GALNT13: variants seen among roughly 807,000 people sequenced by gnomAD.
GALNT13 encodes the protein UDP-GalNAc:polypeptide N-acetylgalactosaminyltransferase 13.
GALNT13 carries 28 observed loss-of-function variants against 64.2 expected under a neutral mutation model. The ratio of observed to expected loss-of-function variants is 0.44; its 90% confidence interval spans 0.32 to 0.60. The LOEUF is 0.60. GALNT13 is among the 20% of genes least tolerant of loss of function. GALNT13 has a pLI of 0.05. For synonymous variants in GALNT13, 214 were observed against 224.6 expected (o/e 0.95, Z 0.42); for missense variants, 577 against 669.8 (o/e 0.86, Z 1.53).
chr2:153,948,275 G>A (rs1691917900), intron 3 of GALNT13, among the ~76,000 whole-genome samples: 1 of 151,128 alleles, frequency 6.6e-6, no homozygotes, highest in South Asian at 2.1e-4. Context: ...CTGATTATTA[G>A]CTAATTGCAA....
At chr2:153,743,482 C>A in the GALNT13 span, among the ~76,000 whole-genome samples, 1 of 150,942 alleles carries the variant, frequency 6.6e-6, no homozygotes, top group Non-Finnish European at 1.5e-5. Context: ...TTTTTTTGAA[C>A]CTACTTTATT....
chr2:153,301,685 A>G, the GALNT13 span, among the ~76,000 whole-genome samples: 1 of 152,138 alleles, frequency 6.6e-6, no homozygotes. Context: ...TTGTACCAAG[A>G]TCTCTTCACC....
chr2:153,145,255 C>T, the GALNT13 span, among the ~76,000 whole-genome samples: 28 of 151,620 alleles, frequency 1.8e-4, 1 homozygote, highest in East Asian at 7.8e-4. Context: ...TATATTTGGT[C>T]GTTAGAACAA....
chr2:154,012,695 ATGTCAG>A (rs1393444428), intron 3 of GALNT13, among the ~76,000 whole-genome samples: 1 of 152,052 alleles, frequency 6.6e-6, no homozygotes, highest in East Asian at 1.9e-4. Context: ...TCTTTCTGCC[ATGTCAG>A]TGTGTTATAG....
chr2:154,280,972 A>T (rs1370369736), intron 8 of GALNT13, among the ~76,000 whole-genome samples: 1 of 152,204 alleles, frequency 6.6e-6, no homozygotes, highest in Non-Finnish European at 1.5e-5. Context: ...TTAATTATAC[A>T]ACGAGGAAAA....
chr2:153,248,584 A>C, the GALNT13 span, among the ~76,000 whole-genome samples: 2 of 151,740 alleles, frequency 1.3e-5, no homozygotes, highest in African/African-American at 2.4e-5. Context: ...GAGGCTGAGG[A>C]GGGCAGATCA....
chr2:153,405,436 T>C, the GALNT13 span, among the ~76,000 whole-genome samples: 465 of 152,300 alleles, frequency 3.1e-3, no homozygotes, highest in Admixed American at 8.2e-3. Flanking sequence ...AGGTAACCTA[T>C]AACACTTTGG....
intron 9 of GALNT13, among the ~76,000 whole-genome samples, chr2:154,304,500 G>C (rs960584268): frequency 1.3e-5 from 2 of 152,164 alleles, no homozygotes; most frequent in South Asian, 4.1e-4. Context: ...ATGAGTAATT[G>C]AGAATAATTG....
the GALNT13 span, among the ~76,000 whole-genome samples, chr2:153,452,806 A>C: frequency 6.6e-6 from 1 of 152,150 alleles, no homozygotes; most frequent in Non-Finnish European, 1.5e-5. Context: ...AAAAAGACCC[A>C]GAATAAGCAA....
intron 9 of GALNT13, among the ~76,000 whole-genome samples, chr2:154,327,418 T>C (rs928824094): frequency 3.3e-5 from 5 of 152,118 alleles, no homozygotes; most frequent in East Asian, 1.9e-4. Flanking sequence ...TTCTGACTTA[T>C]TGTTTTTAAG....
At chr2:154,058,877 G>A (rs1329502565) in intron 3 of GALNT13, among the ~76,000 whole-genome samples, 3 of 152,176 alleles carry the variant, frequency 2.0e-5, no homozygotes, top group Non-Finnish European at 4.4e-5. Flanking sequence ...ATGTAGTGAA[G>A]GGATTTGACT....
the GALNT13 span, among the ~76,000 whole-genome samples, chr2:153,417,801 A>G: frequency 6.6e-6 from 1 of 152,198 alleles, no homozygotes; most frequent in African/African-American, 2.4e-5. Flanking sequence ...CTCAGTAGAA[A>G]AGTCCAGGAT....
the GALNT13 span, among the ~76,000 whole-genome samples, chr2:153,658,888 CA>C: frequency 1.3e-5 from 2 of 151,624 alleles, no homozygotes; most frequent in African/African-American, 4.8e-5. Context: ...GCAAGAAAAA[CA>C]CATCTGTTGA....
chr2:154,151,007 T>G (rs1683976641), intron 4 of GALNT13, among the ~76,000 whole-genome samples: 1 of 152,180 alleles, frequency 6.6e-6, no homozygotes, highest in Admixed American at 6.5e-5. Context: ...TTCTAGTTCT[T>G]TTAATTGTGA....
chr2:153,409,902 T>G, the GALNT13 span, among the ~76,000 whole-genome samples: 1 of 152,084 alleles, frequency 6.6e-6, no homozygotes. Flanking sequence ...AGAAAAATGC[T>G]CCAGACCTGG....
chr2:153,637,989 C>A, the GALNT13 span, among the ~76,000 whole-genome samples: 4 of 151,944 alleles, frequency 2.6e-5, no homozygotes, highest in Non-Finnish European at 5.9e-5. Context: ...TAAGGTGAGA[C>A]GTGGAAAGGG....
At chr2:153,126,071 T>C in the GALNT13 span, among the ~76,000 whole-genome samples, 1 of 151,628 alleles carries the variant, frequency 6.6e-6, no homozygotes, top group African/African-American at 2.4e-5. Flanking sequence ...TTTAAATTTA[T>C]GGATTAAATA....
the GALNT13 span, among the ~76,000 whole-genome samples, chr2:153,485,624 C>A: frequency 1.3e-5 from 2 of 152,096 alleles, 1 homozygote; most frequent in Middle Eastern, 6.3e-3. Flanking sequence ...ATTACTGGGC[C>A]AGGCACACTG....
intron 4 of GALNT13, among the ~76,000 whole-genome samples, chr2:154,170,457 C>T (rs1685286551): frequency 6.6e-6 from 1 of 152,040 alleles, no homozygotes; most frequent in Non-Finnish European, 1.5e-5. Flanking sequence ...TTTACAGTGA[C>T]CATATATATG....
Sources: allele counts gnomAD v4.1 joint callset (sites outside exome capture counted in the v4.1 genomes callset), GRCh38; gene constraint gnomAD v4.1.1; transcripts MANE v1.5; gene names NCBI Gene and HGNC (gene_info 2026-07-23, HGNC 2026-07-21).